RAP1GAP2: variants seen among roughly 807,000 people sequenced by gnomAD.
RAP1GAP2 encodes the protein RAP1 GTPase activating protein 2.
A neutral mutation model predicts 95.0 loss-of-function variants in RAP1GAP2; 27 were observed. The ratio of observed to expected loss-of-function variants is 0.28; its 90% CI spans 0.21 to 0.39. The LOEUF is 0.39. RAP1GAP2 is among the 10% of genes least tolerant of loss of function. RAP1GAP2 has a pLI of 1.00. For missense variants in RAP1GAP2, 771 were observed against 970.0 expected, an observed-to-expected ratio of 0.79 and a Z score of 2.72; for synonymous variants, 373 against 380.9, an observed-to-expected ratio of 0.98 and a Z score of 0.24.
chr17:2,999,925 A>G (rs2046097190), intron 14 of RAP1GAP2, among the ~76,000 whole-genome samples: 2 of 152,152 alleles, frequency 1.3e-5, no homozygotes, highest in South Asian at 4.1e-4. Context: ...GAAGCTGGCG[A>G]AGACATGGTG....
chr17:2,920,386 C>G (rs1290950755), intron 3 of RAP1GAP2, among the ~76,000 whole-genome samples: 2 of 152,204 alleles, frequency 1.3e-5, no homozygotes, highest in Non-Finnish European at 2.9e-5. Context: ...AACCCCCGCC[C>G]CAGGCATGCC....
chr17:2,927,470 ACCG>A (rs2151784180), intron 3 of RAP1GAP2, among the ~76,000 whole-genome samples: 1 of 152,116 alleles, frequency 6.6e-6, no homozygotes, highest in South Asian at 2.1e-4. Context: ...TCTTTCTCAC[ACCG>A]CCGTCTCTCG....
At chr17:2,801,562 C>T (rs887461655) in intron 2 of RAP1GAP2, among the ~76,000 whole-genome samples, 1 of 150,706 alleles carries the variant, frequency 6.6e-6, no homozygotes, top group African/African-American at 2.5e-5. Flanking sequence ...TCTGACATTC[C>T]CCGCCTACTA....
chr17:3,007,674 G>T (rs2046379664), intron 16 of RAP1GAP2, among the ~76,000 whole-genome samples: 1 of 152,204 alleles, frequency 6.6e-6, no homozygotes, highest in South Asian at 2.1e-4. Context: ...GAGAGGAGCA[G>T]TGGGGAGTTG....
intron 3 of RAP1GAP2, among the ~76,000 whole-genome samples, chr17:2,916,262 G>A (rs1265632263): frequency 2.0e-5 from 3 of 152,098 alleles, no homozygotes; most frequent in Non-Finnish European, 4.4e-5. Flanking sequence ...TGGAAAATAC[G>A]TGCCATCCGT....
chr17:2,966,609 G>A lies in RAP1GAP2; in HGVS notation c.596+966G>A, dbSNP rs188732132. On this transcript the variant is annotated intron_variant, in intron 8 of 24. Transcript: ENST00000254695. ...TGGGGGTCCGTGGTTTCAGGATGTC[G>A]TCAGCACCCATCCAATCTTAGTTTG... Among the ~76,000 whole-genome samples the A allele has an allele frequency of 1.7e-3, 255 of 152,242 alleles. 1 individual carries two copies. Among genetic ancestry groups the A allele is most frequent in the African/African-American group, 5.9e-3 (246 of 41,566 alleles).
intron 4 of RAP1GAP2, among the ~76,000 whole-genome samples, chr17:2,958,810 G>A (rs59125532): frequency 0.024 from 3,559 of 151,042 alleles, 136 homozygotes; most frequent in African/African-American, 0.081. Flanking sequence ...CGGCAGTCCT[G>A]AGATGTGGGC....
intron 2 of RAP1GAP2, among the ~76,000 whole-genome samples, chr17:2,813,444 C>A (rs2069861519): frequency 6.6e-6 from 1 of 152,180 alleles, no homozygotes; most frequent in Non-Finnish European, 1.5e-5. Context: ...CCAAGGGATA[C>A]ACAAGTGTGG....
rs372908880 is a variant in RAP1GAP2, at chr17:2,987,782, TA to T, written c.813+2717del. The stretch of plus-strand genomic sequence containing the variant: ...AAAGCAAAATAAAATTATTGAAATC[TA>T]CCAGATTCTGTTGCCTGTTGAAGGC... On this transcript the variant is annotated intron_variant, in intron 11 of 24. Transcript: ENST00000254695. Among the ~76,000 whole-genome samples the T allele has an allele frequency of 3.4e-4, 52 of 152,342 alleles. 1 individual carries two copies. The East Asian group carries it at 7.5e-3, about 22-fold the overall frequency.
At chr17:2,885,500 G>T (rs192550947) in intron 2 of RAP1GAP2, among the ~76,000 whole-genome samples, 1 of 152,176 alleles carries the variant, frequency 6.6e-6, no homozygotes, top group Non-Finnish European at 1.5e-5. Context: ...CTTGGAGTAC[G>T]TTGGAGGTGA....
At chr17:2,838,922 G>A (rs867631008) in intron 2 of RAP1GAP2, among the ~76,000 whole-genome samples, 2 of 152,136 alleles carry the variant, frequency 1.3e-5, no homozygotes, top group Non-Finnish European at 2.9e-5. Flanking sequence ...TTGGGCAGGC[G>A]ACAGTGTTTA....
At chr17:2,961,659 G>C (rs1378632071) in intron 4 of RAP1GAP2, among the ~76,000 whole-genome samples, 2 of 152,224 alleles carry the variant, frequency 1.3e-5, no homozygotes, top group African/African-American at 4.8e-5. Context: ...CCATTAGTGA[G>C]ATGAAAGGTG....
chr17:2,796,028 C>T (rs178567), upstream of RAP1GAP2, among the ~76,000 whole-genome samples: 35,253 of 151,956 alleles, frequency 0.23, 5,191 homozygotes, highest in Non-Finnish European at 0.33. The surrounding 1 kb of genome is among the most constrained non-coding windows in gnomAD (Gnocchi z 4.7). Context: ...TGGCGTGTGC[C>T]GAGCCATGGT....
intron 1 of RAP1GAP2, among the ~76,000 whole-genome samples, chr17:2,761,733 G>C (rs1223289046): frequency 6.6e-6 from 1 of 152,192 alleles, no homozygotes; most frequent in Non-Finnish European, 1.5e-5. Context: ...ACAGGTCGCA[G>C]AATTTGTTTG....
intron 5 of RAP1GAP2, chr17:2,962,956 C>A: frequency 1.9e-6 from 1 of 526,066 alleles, no homozygotes; most frequent in South Asian, 2.8e-5. Context: ...CTCGGTGGGA[C>A]CTCAGGCTTG....
intron 3 of RAP1GAP2, among the ~76,000 whole-genome samples, chr17:2,918,432 C>CAAAAAA (rs533808717): frequency 2.0e-4 from 13 of 65,286 alleles, no homozygotes; most frequent in East Asian, 1.7e-3. Flanking sequence ...GACTCCATCT[C>CAAAAAA]AAAAAAAAAA....
chr17:2,762,816 A>G (rs1387960940), intron 1 of RAP1GAP2, among the ~76,000 whole-genome samples: 1 of 151,996 alleles, frequency 6.6e-6, no homozygotes, highest in Non-Finnish European at 1.5e-5. Context: ...AGCTGGGGCT[A>G]TAGGTGCACG....
chr17:3,020,906 T>C (rs979123032), intron 19 of RAP1GAP2, among the ~76,000 whole-genome samples: 5 of 152,238 alleles, frequency 3.3e-5, no homozygotes, highest in South Asian at 2.1e-4. Context: ...GCCTGTCTTA[T>C]GGGAGCCTTC....
At chr17:2,990,507 C>G (rs2045714577) in intron 11 of RAP1GAP2, among the ~76,000 whole-genome samples, 1 of 152,146 alleles carries the variant, frequency 6.6e-6, no homozygotes, top group South Asian at 2.1e-4. Context: ...CACATGGTGA[C>G]TCTGCGTTTA....
Sources: gnomAD v4.1 joint callset for allele counts (sites outside exome capture counted in the v4.1 genomes callset) on GRCh38, gnomAD v4.1.1 for gene constraint, Gnocchi (gnomAD v3.1) non-coding constraint, MANE v1.5 for transcripts, NCBI Gene and HGNC (gene_info 2026-07-23, HGNC 2026-07-21) for gene names.